SPAG16: variants seen among roughly 807,000 people sequenced by gnomAD.
The protein encoded by SPAG16 is sperm-associated antigen 16 protein.
A neutral mutation model predicts 80.4 loss-of-function variants in SPAG16; 86 were observed. The observed-to-expected ratio is 1.07, with a 90% CI of 0.90 to 1.28. SPAG16 has a LOEUF of 1.28. SPAG16 is among the 50% of genes most tolerant of loss of function. The pLI is 0.00. For synonymous variants in SPAG16, 294 were observed against 265.9 expected (o/e 1.11, Z -1.03); for missense variants, 870 against 765.3 (o/e 1.14, Z -1.61).
At chr2:214,285,829 T>G (rs887440063) in intron 15 of SPAG16, among the ~76,000 whole-genome samples, 22 of 151,918 alleles carry the variant, frequency 1.4e-4, no homozygotes, top group African/African-American at 5.1e-4. Flanking sequence ...AAATAAATAA[T>G]AATGAAAAAA....
At chr2:213,737,433 T>C (rs1574988546) in intron 10 of SPAG16, among the ~76,000 whole-genome samples, 3 of 152,252 alleles carry the variant, frequency 2.0e-5, no homozygotes, top group South Asian at 2.1e-4. Flanking sequence ...TGTTATATAA[T>C]TGGTAACATT....
At chr2:213,683,072 T>A (rs975380115) in intron 10 of SPAG16, among the ~76,000 whole-genome samples, 2 of 152,182 alleles carry the variant, frequency 1.3e-5, no homozygotes, top group African/African-American at 4.8e-5. Flanking sequence ...ACGTTGATGA[T>A]CTTTTCAGTG....
chr2:214,148,327 G>A (rs2055765238), intron 14 of SPAG16, among the ~76,000 whole-genome samples: 7 of 152,012 alleles, frequency 4.6e-5, no homozygotes, highest in Admixed American at 4.6e-4. Flanking sequence ...CAGACCCTGG[G>A]CTCCAAACTG....
chr2:214,079,142 G>T (rs901346296), intron 13 of SPAG16, among the ~76,000 whole-genome samples: 3 of 152,040 alleles, frequency 2.0e-5, no homozygotes, highest in African/African-American at 7.2e-5. Flanking sequence ...AAGATAGAAA[G>T]ACATGACATA....
chr2:213,346,131 C>G (rs1194743355), intron 6 of SPAG16, among the ~76,000 whole-genome samples: 1 of 152,032 alleles, frequency 6.6e-6, no homozygotes, highest in African/African-American at 2.4e-5. Flanking sequence ...GTATTTTATT[C>G]TCTTTGAAGC....
At chr2:214,315,163 C>G (rs1432118502) in intron 15 of SPAG16, among the ~76,000 whole-genome samples, 2 of 152,030 alleles carry the variant, frequency 1.3e-5, no homozygotes, top group African/African-American at 2.4e-5. Context: ...AGGGGTGGAG[C>G]AGTCAGGGAA....
chr2:214,265,678 C>A (rs1691508500), intron 15 of SPAG16, among the ~76,000 whole-genome samples: 1 of 151,876 alleles, frequency 6.6e-6, no homozygotes, highest in Admixed American at 6.6e-5. Context: ...GTCACCAAAC[C>A]AATGGTCATG....
At chr2:214,222,723 A>G (rs2058610085) in intron 15 of SPAG16, among the ~76,000 whole-genome samples, 1 of 152,196 alleles carries the variant, frequency 6.6e-6, no homozygotes, top group African/African-American at 2.4e-5. Context: ...AAGCTAAAAC[A>G]TACATTTTCA....
chr2:213,677,014 G>A (rs1454117228), intron 10 of SPAG16, among the ~76,000 whole-genome samples: 1 of 151,688 alleles, frequency 6.6e-6, no homozygotes, highest in Non-Finnish European at 1.5e-5. Context: ...ATCTGGTCCT[G>A]GACTCTTTTT....
intron 13 of SPAG16, among the ~76,000 whole-genome samples, chr2:214,073,574 A>G (rs2050918157): frequency 6.6e-6 from 1 of 152,136 alleles, no homozygotes; most frequent in South Asian, 2.1e-4. Flanking sequence ...GGAATATTTC[A>G]TGTCTGTGCA....
chr2:214,214,473 A>G (rs2058378483), intron 15 of SPAG16, among the ~76,000 whole-genome samples: 1 of 152,114 alleles, frequency 6.6e-6, no homozygotes, highest in South Asian at 2.1e-4. Flanking sequence ...GTTACTTCTT[A>G]TGATACTGAA....
intron 10 of SPAG16, among the ~76,000 whole-genome samples, chr2:213,607,025 G>A (rs2061286596): frequency 6.6e-6 from 1 of 152,276 alleles, no homozygotes; most frequent in Admixed American, 6.5e-5. Flanking sequence ...AGTTTATATT[G>A]CATGTGTTGA....
chr2:213,842,527 A>G (rs1400600320), intron 10 of SPAG16, among the ~76,000 whole-genome samples: 7 of 152,086 alleles, frequency 4.6e-5, no homozygotes, highest in Non-Finnish European at 1.0e-4. Flanking sequence ...TTTTAAAAAA[A>G]TAGGAAATGA....
At chr2:214,267,760 A>G (rs1036175754) in intron 15 of SPAG16, among the ~76,000 whole-genome samples, 5 of 151,896 alleles carry the variant, frequency 3.3e-5, no homozygotes, top group African/African-American at 1.2e-4. Context: ...TGCAATATCT[A>G]TCAAAATTCC....
intron 9 of SPAG16, among the ~76,000 whole-genome samples, chr2:213,404,493 C>G (rs1575498145): frequency 6.6e-6 from 1 of 152,124 alleles, no homozygotes. Context: ...GCTGGGAAAA[C>G]TGGCTAGCCA....
chr2:214,206,318 C>T (rs1174787229), intron 15 of SPAG16, among the ~76,000 whole-genome samples: 1 of 152,072 alleles, frequency 6.6e-6, no homozygotes, highest in African/African-American at 2.4e-5. Flanking sequence ...CATCATTCTC[C>T]CCTCTACCTT....
At chr2:214,289,102 T>A (rs1041604982) in intron 15 of SPAG16, among the ~76,000 whole-genome samples, 5 of 152,196 alleles carry the variant, frequency 3.3e-5, no homozygotes, top group Non-Finnish European at 7.3e-5. Flanking sequence ...TTTGTTGTTG[T>A]TGATGAGTTG....
intron 14 of SPAG16, among the ~76,000 whole-genome samples, chr2:214,112,367 G>A (rs2053709457): frequency 6.6e-6 from 1 of 152,076 alleles, no homozygotes; most frequent in African/African-American, 2.4e-5. Flanking sequence ...GGATATCCTT[G>A]TTAACCTTCT....
intron 15 of SPAG16, among the ~76,000 whole-genome samples, chr2:214,158,763 A>G (rs2056320715): frequency 6.6e-6 from 1 of 152,024 alleles, no homozygotes; most frequent in Non-Finnish European, 1.5e-5. Flanking sequence ...TTGGAACGCT[A>G]TAGGTATAGA....
Sources: allele counts gnomAD v4.1 joint callset (sites outside exome capture counted in the v4.1 genomes callset), GRCh38; gene constraint gnomAD v4.1.1; transcripts MANE v1.5; gene names NCBI Gene and HGNC (gene_info 2026-07-23, HGNC 2026-07-21).